ENOX2: variants seen among roughly 807,000 people sequenced by gnomAD.
ENOX2 encodes the protein APK1 antigen.
A neutral mutation model predicts 45.0 loss-of-function variants in ENOX2; 36 were observed. The ratio of observed to expected loss-of-function variants is 0.80; its 90% CI spans 0.61 to 1.06. The LOEUF is 1.06. ENOX2 is among the 50% of genes least tolerant of loss of function. The probability of loss-of-function intolerance (pLI) is 0.00; values close to 1 mark genes in which losing one functional copy is unlikely to be tolerated. For missense variants in ENOX2, 423 were observed against 462.5 expected, an observed-to-expected ratio of 0.91 and a Z score of 0.78; for synonymous variants, 174 against 152.3, an observed-to-expected ratio of 1.14 and a Z score of -1.05.
intron 2 of ENOX2, among the ~76,000 whole-genome samples, chrX:130,868,523 A>G (rs1179912253): frequency 8.9e-6 from 1 of 111,842 alleles, no homozygotes; most frequent in African/African-American, 3.3e-5. Context: ...CCCGGTGTTC[A>G]TGGACCACAC....
chrX:130,633,968 A>G (rs749488076), intron 12 of ENOX2, among the ~76,000 whole-genome samples: 2 of 112,385 alleles, frequency 1.8e-5, no homozygotes, highest in South Asian at 7.5e-4. Flanking sequence ...GGTTTTATGA[A>G]GTGGAAGAAT....
At chrX:130,727,116 A>G (rs1170584396) in intron 3 of ENOX2, among the ~76,000 whole-genome samples, 1 of 112,700 alleles carries the variant, frequency 8.9e-6, no homozygotes. Flanking sequence ...CCTAATGGGC[A>G]TACCTCTTTA....
intron 2 of ENOX2, among the ~76,000 whole-genome samples, chrX:130,886,783 T>C (rs2078911722): frequency 8.9e-6 from 1 of 112,285 alleles, no homozygotes; most frequent in Admixed American, 9.4e-5. Flanking sequence ...TTCCCTACTC[T>C]TAGGTATATC....
chrX:130,631,641 C>G (rs899931607), intron 12 of ENOX2, 65 bp from the exon 13 acceptor site: 13 of 593,996 alleles, frequency 2.2e-5, no homozygotes, highest in South Asian at 1.5e-4. Flanking sequence ...TTTCAATTAA[C>G]TACACAACAG....
chrX:130,714,157 C>T (rs1189558480), intron 3 of ENOX2, among the ~76,000 whole-genome samples: 2 of 111,679 alleles, frequency 1.8e-5, no homozygotes, highest in Admixed American at 9.5e-5. Flanking sequence ...ATCCACAAGC[C>T]GTTTTGCTGC....
intron 2 of ENOX2, among the ~76,000 whole-genome samples, chrX:130,842,218 C>T (rs1273973573): frequency 8.9e-6 from 1 of 112,610 alleles, no homozygotes; most frequent in African/African-American, 3.2e-5. Flanking sequence ...TAGATAGACA[C>T]TTTAAGCAAA....
At chrX:130,725,478 A>AT (rs1029937574) in intron 3 of ENOX2, among the ~76,000 whole-genome samples, 1 of 108,693 alleles carries the variant, frequency 9.2e-6, no homozygotes, top group African/African-American at 3.4e-5. Context: ...TTTAACAATC[A>AT]TTTTTTTATT....
At chrX:130,790,299 T>C (rs1343975101) in intron 2 of ENOX2, among the ~76,000 whole-genome samples, 2 of 111,947 alleles carry the variant, frequency 1.8e-5, no homozygotes, top group African/African-American at 3.2e-5. Context: ...ATACAGGTCA[T>C]AGACCAATTT....
chrX:130,865,341 C>T (rs2078478684), intron 2 of ENOX2, among the ~76,000 whole-genome samples: 1 of 111,290 alleles, frequency 9.0e-6, no homozygotes, highest in African/African-American at 3.3e-5. Flanking sequence ...ATATCATCTG[C>T]CTCCCTCTGG....
chrX:130,755,242 A>T (rs1486701535), intron 3 of ENOX2, among the ~76,000 whole-genome samples: 1 of 112,060 alleles, frequency 8.9e-6, no homozygotes, highest in Non-Finnish European at 1.9e-5. Flanking sequence ...CATCTATAAA[A>T]TGAGGCTAAT....
At chrX:130,821,591 A>G (rs1452100457) in intron 2 of ENOX2, among the ~76,000 whole-genome samples, 1 of 86,093 alleles carries the variant, frequency 1.2e-5, no homozygotes, top group Admixed American at 1.4e-4. Flanking sequence ...ACCTAATGCT[A>G]GATGACGAGT....
At chrX:130,670,908 A>T (rs941850536) in intron 6 of ENOX2, among the ~76,000 whole-genome samples, 8 of 111,519 alleles carry the variant, frequency 7.2e-5, no homozygotes, top group Admixed American at 2.9e-4. Context: ...CATGTATCTT[A>T]AAAAAAGTGG....
At chrX:130,878,793 T>C (rs926921034) in intron 2 of ENOX2, among the ~76,000 whole-genome samples, 1 of 112,210 alleles carries the variant, frequency 8.9e-6, no homozygotes, top group Non-Finnish European at 1.9e-5. Flanking sequence ...ATGTATCACA[T>C]TGCACACTCT....
intron 4 of ENOX2, among the ~76,000 whole-genome samples, chrX:130,698,952 G>A (rs1444773824): frequency 2.7e-5 from 3 of 112,061 alleles, no homozygotes; most frequent in Non-Finnish European, 5.6e-5. Flanking sequence ...TATTTTAATT[G>A]AGGGGAAAAT....
At chrX:130,806,547 T>G (rs1001749204) in intron 2 of ENOX2, among the ~76,000 whole-genome samples, 2 of 112,247 alleles carry the variant, frequency 1.8e-5, no homozygotes, top group Non-Finnish European at 3.8e-5. Context: ...AATGTAACTT[T>G]TATCATTATT....
At chrX:130,673,268 C>A (rs1247900637) in intron 6 of ENOX2, among the ~76,000 whole-genome samples, 3 of 110,765 alleles carry the variant, frequency 2.7e-5, no homozygotes, top group Non-Finnish European at 5.7e-5. Context: ...TGAAAAGGAA[C>A]CAGTGTAAGA....
intron 6 of ENOX2, among the ~76,000 whole-genome samples, chrX:130,677,765 A>C (rs922677047): frequency 5.4e-5 from 6 of 111,363 alleles, no homozygotes; most frequent in Non-Finnish European, 7.5e-5. Context: ...CTCCATAACT[A>C]TAAAAAATAA....
intron 3 of ENOX2, among the ~76,000 whole-genome samples, chrX:130,777,921 C>A (rs1442297126): frequency 8.9e-6 from 1 of 111,945 alleles, no homozygotes; most frequent in Non-Finnish European, 1.9e-5. Flanking sequence ...CTGAGTAGGG[C>A]TATTAGTCTA....
At chrX:130,816,169 G>A (rs1006333564) in intron 2 of ENOX2, among the ~76,000 whole-genome samples, 6 of 111,931 alleles carry the variant, frequency 5.4e-5, no homozygotes, top group African/African-American at 1.6e-4. Context: ...AAAAGACAAC[G>A]AAGAGCATTA....
Sources: allele counts gnomAD v4.1 joint callset (sites outside exome capture counted in the v4.1 genomes callset), GRCh38; gene constraint gnomAD v4.1.1; transcripts MANE v1.5; gene names NCBI Gene and HGNC (gene_info 2026-07-23, HGNC 2026-07-21).